TENM1: variants seen among roughly 807,000 people sequenced by gnomAD.
The protein encoded by TENM1 is teneurin-1.
A neutral mutation model predicts 174.8 loss-of-function variants in TENM1; 35 were observed. The observed-to-expected ratio is 0.20, with a 90% CI of 0.15 to 0.27. The LOEUF (loss-of-function observed/expected upper bound fraction) is 0.27, where lower values mean the gene tolerates loss of function less well. Ranked by LOEUF, TENM1 falls within the 10% of genes least tolerant of loss-of-function variation. The probability of loss-of-function intolerance (pLI) is 1.00; values close to 1 mark genes in which losing one functional copy is unlikely to be tolerated. For missense variants in TENM1, 1,633 were observed against 2,130.1 expected (o/e 0.77, Z 4.59); for synonymous variants, 781 against 798.7 (o/e 0.98, Z 0.37).
chrX:124,629,058 T>C (rs985866302), intron 11 of TENM1, among the ~76,000 whole-genome samples: 1 of 111,991 alleles, frequency 8.9e-6, no homozygotes, highest in African/African-American at 3.2e-5. Context: ...AGCCCTGGAC[T>C]GCCTGCCTCT....
chrX:124,461,525 A>C (rs1333322341), intron 22 of TENM1, among the ~76,000 whole-genome samples: 1 of 112,078 alleles, frequency 8.9e-6, no homozygotes, highest in African/African-American at 3.2e-5. Context: ...TGAATGGATA[A>C]AGAAAATGTG....
At chrX:124,841,128 G>C (rs1468131396) in intron 3 of TENM1, among the ~76,000 whole-genome samples, 1 of 111,538 alleles carries the variant, frequency 9.0e-6, no homozygotes, top group Non-Finnish European at 1.9e-5. Flanking sequence ...CATGTAACTC[G>C]ATACTTTTTA....
At chrX:125,193,298 C>T in the TENM1 span, among the ~76,000 whole-genome samples, 1 of 112,541 alleles carries the variant, frequency 8.9e-6, no homozygotes, top group Non-Finnish European at 1.9e-5. Context: ...GAAAATAATT[C>T]CACAAAGTTC....
chrX:124,952,335 G>GGTGTGT (rs34542293), intron 1 of TENM1, among the ~76,000 whole-genome samples: 14 of 98,817 alleles, frequency 1.4e-4, no homozygotes, highest in East Asian at 6.4e-4. Context: ...TTATGTATGG[G>GGTGTGT]GTGTGTGTGT....
At chrX:124,501,817 C>A (rs1345536018) in intron 19 of TENM1, among the ~76,000 whole-genome samples, 1 of 111,708 alleles carries the variant, frequency 9.0e-6, no homozygotes, top group Non-Finnish European at 1.9e-5. Context: ...ACTTCGAAAA[C>A]ATCCCAAGAG....
chrX:124,602,876 G>A (rs1420440908), intron 11 of TENM1, among the ~76,000 whole-genome samples: 4 of 111,335 alleles, frequency 3.6e-5, no homozygotes, highest in Non-Finnish European at 7.6e-5. Context: ...TCCTGTGCAC[G>A]AGACCTTATT....
At chrX:124,791,640 C>T (rs1018072982) in intron 3 of TENM1, among the ~76,000 whole-genome samples, 8 of 111,605 alleles carry the variant, frequency 7.2e-5, no homozygotes, top group Non-Finnish European at 1.3e-4. Context: ...ATAATAAGTG[C>T]AATTATCAAA....
At chrX:125,200,222 T>C in the TENM1 span, among the ~76,000 whole-genome samples, 14 of 111,875 alleles carry the variant, frequency 1.3e-4, no homozygotes, top group Admixed American at 3.8e-4. Flanking sequence ...TATTTTTACC[T>C]TTTAGGGGAA....
intron 3 of TENM1, among the ~76,000 whole-genome samples, chrX:124,822,389 T>C (rs766170986): frequency 8.9e-6 from 1 of 112,202 alleles, no homozygotes; most frequent in African/African-American, 3.2e-5. Context: ...CTCTAACAAA[T>C]GTAGCTAATG....
At chrX:124,644,044 C>CATATATATATAT (rs72253813) in intron 10 of TENM1, among the ~76,000 whole-genome samples, 1 of 79,203 alleles carries the variant, frequency 1.3e-5, no homozygotes, top group African/African-American at 4.5e-5. Flanking sequence ...ATATAAATGG[C>CATATATATATAT]ATATATATAT....
At chrX:124,630,079 T>A (rs1347524786) in intron 11 of TENM1, among the ~76,000 whole-genome samples, 5 of 112,452 alleles carry the variant, frequency 4.4e-5, no homozygotes, top group Non-Finnish European at 9.4e-5. Flanking sequence ...CAATATTCTA[T>A]GATTATGACA....
At chrX:124,679,200 C>A (rs1348940042) in intron 5 of TENM1, among the ~76,000 whole-genome samples, 2 of 112,302 alleles carry the variant, frequency 1.8e-5, no homozygotes, top group Non-Finnish European at 3.8e-5. Context: ...TCGCAGCATG[C>A]CAAGACAAAA....
At chrX:124,386,330 T>G (rs1404468337) in intron 28 of TENM1, among the ~76,000 whole-genome samples, 1 of 111,227 alleles carries the variant, frequency 9.0e-6, no homozygotes, top group Non-Finnish European at 1.9e-5. Context: ...ACAGAGTGCT[T>G]CTGGAAGGCA....
intron 3 of TENM1, among the ~76,000 whole-genome samples, chrX:124,816,999 A>G (rs1041203071): frequency 1.8e-5 from 2 of 110,593 alleles, no homozygotes; most frequent in Non-Finnish European, 3.8e-5. Flanking sequence ...TCAACCTGTC[A>G]TCTACATTAG....
chrX:125,028,765 T>TA, the TENM1 span, among the ~76,000 whole-genome samples: 1 of 111,050 alleles, frequency 9.0e-6, no homozygotes, highest in South Asian at 3.7e-4. Context: ...CTGCAACCAA[T>TA]AAAAAACAAA....
the TENM1 span, among the ~76,000 whole-genome samples, chrX:125,094,231 C>T: frequency 1.8e-5 from 2 of 112,085 alleles, 1 homozygote; most frequent in African/African-American, 6.5e-5. Context: ...GGGCTGTTGG[C>T]TGGTCTCATC....
the TENM1 span, among the ~76,000 whole-genome samples, chrX:125,054,627 A>G: frequency 8.9e-6 from 1 of 111,880 alleles, no homozygotes; most frequent in African/African-American, 3.2e-5. Flanking sequence ...GCTTAAAACC[A>G]TCAACATAAA....
intron 16 of TENM1, among the ~76,000 whole-genome samples, chrX:124,525,049 C>T (rs377137711): frequency 8.9e-6 from 1 of 111,735 alleles, no homozygotes; most frequent in Non-Finnish European, 1.9e-5. Context: ...GATAGGGAAT[C>T]AGACTTAATT....
chrX:124,605,714 A>G (rs2050139450), intron 11 of TENM1, among the ~76,000 whole-genome samples: 3 of 111,656 alleles, frequency 2.7e-5, no homozygotes, highest in Admixed American at 9.5e-5. Flanking sequence ...CAGTAATACA[A>G]TGCACTGGAT....
Sources: gnomAD v4.1 joint callset for allele counts (sites outside exome capture counted in the v4.1 genomes callset) on GRCh38, gnomAD v4.1.1 for gene constraint, MANE v1.5 for transcripts, NCBI Gene and HGNC (gene_info 2026-07-23, HGNC 2026-07-21) for gene names.